Variants in LOC400499 observed in about 807,000 individuals in gnomAD.
the LOC400499 span, chr16:11,475,497 T>C: frequency 0.21 from 81,481 of 394,578 alleles, 8,779 homozygotes; most frequent in African/African-American, 0.27. Context: ...TCTCAGATAC[T>C]TTTTGGTTTG....
At chr16:11,446,350 G>C in the LOC400499 span, among the ~76,000 whole-genome samples, 109 of 152,176 alleles carry the variant, frequency 7.2e-4, 1 homozygote, top group African/African-American at 2.4e-3. Flanking sequence ...TAGAAACAGG[G>C]TTTCCATATG....
the LOC400499 span, among the ~76,000 whole-genome samples, chr16:11,464,259 C>T: frequency 7.2e-5 from 11 of 152,344 alleles, no homozygotes; most frequent in African/African-American, 2.4e-4. Flanking sequence ...AACAGATGCT[C>T]GCTCTCCACT....
the LOC400499 span, among the ~76,000 whole-genome samples, chr16:11,393,897 G>A: frequency 6.6e-6 from 1 of 152,236 alleles, no homozygotes; most frequent in Admixed American, 6.5e-5. Context: ...GGACCACATG[G>A]CAAAAACCCT....
the LOC400499 span, among the ~76,000 whole-genome samples, chr16:11,476,581 T>C: frequency 2.6e-5 from 4 of 152,048 alleles, no homozygotes; most frequent in Admixed American, 2.6e-4. Flanking sequence ...AGACACAGGC[T>C]CATGGGTGCA....
chr16:11,372,405 G>A, the LOC400499 span: 1 of 152,256 alleles, frequency 6.6e-6, no homozygotes, highest in African/African-American at 2.4e-5. Flanking sequence ...TAAATCTCTT[G>A]GGCATGAACA....
chr16:11,463,725 A>G, the LOC400499 span, among the ~76,000 whole-genome samples: 114,450 of 151,980 alleles, frequency 0.75, 43,672 homozygotes, highest in Admixed American at 0.8. Flanking sequence ...GTGTGTGGAT[A>G]TATGTACAGA....
chr16:11,402,765 G>T, the LOC400499 span, among the ~76,000 whole-genome samples: 21 of 152,328 alleles, frequency 1.4e-4, no homozygotes, highest in Admixed American at 3.9e-4. Context: ...GTGACCCACA[G>T]CCTCGTGAGC....
chr16:11,383,914 T>G, the LOC400499 span: 2 of 1,231,748 alleles, frequency 1.6e-6, no homozygotes, highest in Non-Finnish European at 2.0e-6. Flanking sequence ...CAAGCTGGAG[T>G]GGGGGCCCTC....
chr16:11,395,128 C>T, the LOC400499 span, among the ~76,000 whole-genome samples: 1 of 152,148 alleles, frequency 6.6e-6, no homozygotes, highest in Non-Finnish European at 1.5e-5. Context: ...CGGAGTTGGC[C>T]CTGGATGGCT....
At chr16:11,433,250 C>T in the LOC400499 span, among the ~76,000 whole-genome samples, 3 of 152,126 alleles carry the variant, frequency 2.0e-5, no homozygotes, top group Admixed American at 6.6e-5. Context: ...TAATTTGCCT[C>T]GAATCCTTTT....
At chr16:11,515,801 G>C in the LOC400499 span, 2 of 394,704 alleles carry the variant, frequency 5.1e-6, no homozygotes, top group Non-Finnish European at 8.9e-6. Context: ...GGAGGAGGAG[G>C]AAGAGGAAGA....
At chr16:11,444,110 G>A in the LOC400499 span, among the ~76,000 whole-genome samples, 1 of 152,096 alleles carries the variant, frequency 6.6e-6, no homozygotes, top group Non-Finnish European at 1.5e-5. Flanking sequence ...CAAAATGCTG[G>A]GATTACATGT....
chr16:11,500,511 AAATAAT>A, the LOC400499 span, among the ~76,000 whole-genome samples: 71 of 143,904 alleles, frequency 4.9e-4, 1 homozygote, highest in Admixed American at 9.2e-4. Flanking sequence ...ACTCCGTCCT[AAATAAT>A]AATAATAATA....
the LOC400499 span, among the ~76,000 whole-genome samples, chr16:11,455,241 G>A: frequency 6.6e-6 from 1 of 152,124 alleles, no homozygotes; most frequent in Non-Finnish European, 1.5e-5. Context: ...ACTCTTTTAA[G>A]AAAATGGAAG....
chr16:11,491,841 G>A, the LOC400499 span: 203 of 398,764 alleles, frequency 5.1e-4, 1 homozygote, highest in Middle Eastern at 6.2e-4. Flanking sequence ...GGAGAGCACC[G>A]ATCTCTGGCT....
At chr16:11,392,053 T>C in the LOC400499 span, 8 of 400,322 alleles carry the variant, frequency 2.0e-5, no homozygotes, top group East Asian at 2.5e-4. Flanking sequence ...GCCTTGAACC[T>C]TCTCTTCCAG....
At chr16:11,445,753 C>A in the LOC400499 span, among the ~76,000 whole-genome samples, 1 of 152,060 alleles carries the variant, frequency 6.6e-6, no homozygotes, top group East Asian at 1.9e-4. Context: ...GTTGTGCTGG[C>A]CTTCAGAATA....
At chr16:11,456,219 A>G in the LOC400499 span, among the ~76,000 whole-genome samples, 1 of 152,006 alleles carries the variant, frequency 6.6e-6, no homozygotes, top group African/African-American at 2.4e-5. Flanking sequence ...TAATTTTTGT[A>G]TTTTTAGCAG....
the LOC400499 span, among the ~76,000 whole-genome samples, chr16:11,489,096 C>A: frequency 1.3e-5 from 2 of 150,822 alleles, no homozygotes; most frequent in East Asian, 3.9e-4. Flanking sequence ...TTCTGACACA[C>A]TTCCCAGAAG....
Sources: allele counts gnomAD v4.1 joint callset (sites outside exome capture counted in the v4.1 genomes callset), GRCh38; gene constraint gnomAD v4.1.1; transcripts MANE v1.5.